The following KCNH5 variants were observed in gnomAD, a reference collection of about 807,000 sequenced individuals.
The protein encoded by KCNH5 is potassium voltage-gated channel subfamily H member 5.
A neutral mutation model predicts 96.1 loss-of-function variants in KCNH5; 46 were observed. The observed-to-expected ratio is 0.48, with a 90% CI of 0.38 to 0.61. The LOEUF is 0.61. Among genes scored for constraint, KCNH5 ranks in the 20% least tolerant of loss-of-function variants. KCNH5 has a pLI of 0.00. For missense variants in KCNH5, 907 were observed against 1,225.8 expected (o/e 0.74, Z 3.88); for synonymous variants, 439 against 449.8 (o/e 0.98, Z 0.30).
intron 1 of KCNH5, among the ~76,000 whole-genome samples, chr14:63,019,029 AAG>A (rs1187018377): frequency 6.6e-5 from 10 of 152,208 alleles, no homozygotes; most frequent in Admixed American, 4.6e-4. Context: ...ACTGAAGTAA[AAG>A]AGAAAAAGAT....
At chr14:62,711,895 T>A (rs1330008400) in intron 10 of KCNH5, among the ~76,000 whole-genome samples, 1 of 152,094 alleles carries the variant, frequency 6.6e-6, no homozygotes, top group East Asian at 1.9e-4. Context: ...ATGCCACACA[T>A]AAAGAGAGCC....
chr14:62,798,178 C>T (rs1489949287), intron 9 of KCNH5, among the ~76,000 whole-genome samples: 1 of 152,144 alleles, frequency 6.6e-6, no homozygotes, highest in African/African-American at 2.4e-5. Flanking sequence ...CCAAACCATA[C>T]ATAAACAAAC....
At chr14:62,732,891 C>G (rs945095060) in intron 10 of KCNH5, among the ~76,000 whole-genome samples, 12 of 152,084 alleles carry the variant, frequency 7.9e-5, no homozygotes, top group Non-Finnish European at 2.9e-5. Flanking sequence ...CTTTCTGTCT[C>G]TCTCTCTTTC....
intron 2 of KCNH5, among the ~76,000 whole-genome samples, chr14:63,015,002 G>C (rs559288378): frequency 6.6e-6 from 1 of 152,114 alleles, no homozygotes; most frequent in African/African-American, 2.4e-5. Flanking sequence ...ATGGCCCAAC[G>C]ATATCAGTGC....
intron 8 of KCNH5, among the ~76,000 whole-genome samples, chr14:62,809,940 T>A (rs1369939291): frequency 6.6e-6 from 1 of 152,036 alleles, no homozygotes; most frequent in African/African-American, 2.4e-5. Context: ...AAAACCTGGA[T>A]CAGTATTCTA....
chr14:62,785,760 T>G (rs1445763803), intron 9 of KCNH5, among the ~76,000 whole-genome samples: 1 of 152,136 alleles, frequency 6.6e-6, no homozygotes, highest in Non-Finnish European at 1.5e-5. Flanking sequence ...ACAACATAAT[T>G]AAAGGAGTAA....
chr14:62,903,873 T>C (rs1427814240), intron 7 of KCNH5, among the ~76,000 whole-genome samples: 1 of 151,972 alleles, frequency 6.6e-6, no homozygotes, highest in Non-Finnish European at 1.5e-5. Context: ...AAAAAGTAGA[T>C]CTAATATTAT....
intron 7 of KCNH5, among the ~76,000 whole-genome samples, chr14:62,903,689 C>T (rs987241112): frequency 1.3e-5 from 2 of 151,572 alleles, no homozygotes; most frequent in African/African-American, 2.4e-5. Flanking sequence ...TTAAAAAAAA[C>T]CTATTCCATA....
intron 6 of KCNH5, among the ~76,000 whole-genome samples, chr14:62,968,244 T>G (rs1332201953): frequency 6.6e-6 from 1 of 152,206 alleles, no homozygotes; most frequent in Non-Finnish European, 1.5e-5. Flanking sequence ...TTCTCCAAAT[T>G]TTTTCCCTAT....
intron 5 of KCNH5, among the ~76,000 whole-genome samples, chr14:62,982,070 C>G (rs1184383372): frequency 6.6e-6 from 1 of 152,096 alleles, no homozygotes; most frequent in Non-Finnish European, 1.5e-5. Context: ...CCTTCTGGAA[C>G]CTGGAACCTG....
intron 8 of KCNH5, among the ~76,000 whole-genome samples, chr14:62,812,559 CAAT>C (rs1300712726): frequency 6.6e-6 from 1 of 151,962 alleles, no homozygotes; most frequent in African/African-American, 2.4e-5. Flanking sequence ...ACTATGGTAT[CAAT>C]AATGTCACAA....
chr14:62,790,801 G>A (rs2139988171), intron 9 of KCNH5, among the ~76,000 whole-genome samples: 1 of 151,674 alleles, frequency 6.6e-6, no homozygotes, highest in African/African-American at 2.4e-5. Flanking sequence ...TAGAAATGCT[G>A]CTAATTTTTG....
chr14:62,897,683 T>C (rs536172583), intron 7 of KCNH5, among the ~76,000 whole-genome samples: 2 of 152,206 alleles, frequency 1.3e-5, no homozygotes, highest in South Asian at 4.1e-4. Flanking sequence ...TAGATGTCAA[T>C]AAGTGAAAAA....
intron 7 of KCNH5, among the ~76,000 whole-genome samples, chr14:62,875,491 G>C (rs1888353364): frequency 6.6e-6 from 1 of 152,038 alleles, no homozygotes; most frequent in Admixed American, 6.6e-5. Flanking sequence ...TACCAAAACA[G>C]AGATATAGAT....
At chr14:62,885,066 A>C (rs1413883349) in intron 7 of KCNH5, among the ~76,000 whole-genome samples, 1 of 152,248 alleles carries the variant, frequency 6.6e-6, no homozygotes, top group Non-Finnish European at 1.5e-5. Context: ...AAGTAAAGAC[A>C]AATTCTTGAA....
intron 1 of KCNH5, among the ~76,000 whole-genome samples, chr14:63,040,184 G>A (rs1209780387): frequency 2.0e-5 from 3 of 152,118 alleles, no homozygotes; most frequent in Middle Eastern, 3.4e-3. Flanking sequence ...TCATAACTAC[G>A]CCCTTCTATT....
intron 9 of KCNH5, among the ~76,000 whole-genome samples, chr14:62,785,451 A>T (rs1489949876): frequency 6.6e-6 from 1 of 152,190 alleles, no homozygotes; most frequent in Non-Finnish European, 1.5e-5. Flanking sequence ...CTACTTGACT[A>T]CAGAACATTT....
chr14:62,882,311 T>C (rs1888510282), intron 7 of KCNH5, among the ~76,000 whole-genome samples: 1 of 152,028 alleles, frequency 6.6e-6, no homozygotes, highest in Admixed American at 6.6e-5. Flanking sequence ...ATTGCTCTTC[T>C]CCTGATCATC....
chr14:62,817,583 A>G (rs1366723608), intron 8 of KCNH5, among the ~76,000 whole-genome samples: 1 of 150,194 alleles, frequency 6.7e-6, no homozygotes, highest in Non-Finnish European at 1.5e-5. Flanking sequence ...TACATGTCAA[A>G]TATGTATTTG....
Sources: allele counts gnomAD v4.1 joint callset (sites outside exome capture counted in the v4.1 genomes callset), GRCh38; gene constraint gnomAD v4.1.1; transcripts MANE v1.5; gene names NCBI Gene and HGNC (gene_info 2026-07-23, HGNC 2026-07-21).